The following TP73 variants were observed in gnomAD, a reference collection of about 807,000 sequenced individuals.
The protein encoded by TP73 is tumor protein p73.
TP73 carries 25 observed loss-of-function variants against 62.5 expected under a neutral mutation model. That is an observed-to-expected ratio of 0.40 (90% CI 0.29 to 0.56). TP73 has a LOEUF of 0.56. Ranked by LOEUF, TP73 falls within the 20% of genes least tolerant of loss-of-function variation. The pLI is 0.46. For synonymous variants in TP73, 423 were observed against 377.5 expected (o/e 1.12, Z -1.40); for missense variants, 754 against 913.3 (o/e 0.83, Z 2.25).
At chr1:3,729,059 G>A (rs1288097296) in intron 9 of TP73, among the ~76,000 whole-genome samples, 2 of 152,232 alleles carry the variant, frequency 1.3e-5, no homozygotes, top group Non-Finnish European at 2.9e-5. Flanking sequence ...GTATCTGTTG[G>A]TAGGGGAGGA....
At chr1:3,665,394 A>T (rs895545324) in intron 1 of TP73, among the ~76,000 whole-genome samples, 1 of 152,248 alleles carries the variant, frequency 6.6e-6, no homozygotes, top group African/African-American at 2.4e-5. Context: ...TCTGATAAAA[A>T]TAGCAAAATA....
chr1:3,695,450 C>A (rs919558181), intron 3 of TP73, among the ~76,000 whole-genome samples: 10 of 152,228 alleles, frequency 6.6e-5, no homozygotes, highest in African/African-American at 2.4e-4. Context: ...GGGCTGTGCA[C>A]CCTTGGGCCT....
chr1:3,731,401 G>C, intron 12 of TP73, 62 bp from the exon 13 acceptor site: 3 of 1,528,556 alleles, frequency 2.0e-6, no homozygotes, highest in Non-Finnish European at 2.7e-6. Context: ...TCAGAGATGG[G>C]GGCTCGCGCA....
At chr1:3,664,883 C>T (rs537660096) in intron 1 of TP73, among the ~76,000 whole-genome samples, 158 of 152,282 alleles carry the variant, frequency 1.0e-3, no homozygotes, top group Non-Finnish European at 1.7e-3. Flanking sequence ...ATCCGATGAC[C>T]GAGATAAGGT....
chr1:3,690,986 T>G (rs1482636240), intron 3 of TP73: 1 of 1,559,718 alleles, frequency 6.4e-7, no homozygotes, highest in Non-Finnish European at 8.7e-7. Flanking sequence ...TCGGGGACTT[T>G]GCGGGGGATT....
intron 1 of TP73, among the ~76,000 whole-genome samples, chr1:3,673,814 A>C (rs941881041): frequency 6.6e-6 from 1 of 152,196 alleles, no homozygotes; most frequent in Non-Finnish European, 1.5e-5. Context: ...GTGAAGATAG[A>C]TGGACAGGCA....
intron 3 of TP73, among the ~76,000 whole-genome samples, chr1:3,694,013 G>C (rs369884602): frequency 5.7e-5 from 1 of 17,450 alleles, no homozygotes. Context: ...CGCAATCCCA[G>C]CCATGCAGCC....
intron 4 of TP73, 179 bp downstream of exon 4, chr1:3,707,970 G>T: frequency 9.8e-7 from 1 of 1,023,472 alleles, no homozygotes; most frequent in Non-Finnish European, 1.4e-6. Context: ...GGGCAGTCTG[G>T]GTGTGCCCAC....
At position 3,678,366 on chromosome 1, in the gene TP73, A is replaced by G. The variant is rs567944792; in HGVS notation, c.-33-3967A>G. ...CCCTGCCCCAGCGCAGCGTCCCTGC[A>G]CCCCCAACAGAGCTTCCTGTTCCTC... is the stretch of plus-strand genomic sequence containing the variant. On this transcript the variant is annotated intron_variant, in intron 1 of 13. Transcript: ENST00000378295. Among the ~76,000 whole-genome samples, 84 of 151,830 alleles carry G rather than the reference A, an allele frequency of 5.5e-4. 1 individual carries two copies. In the South Asian group the frequency reaches 0.013, roughly 24 times the overall value.
At chr1:3,698,749 G>A (rs1405064369) in intron 3 of TP73, among the ~76,000 whole-genome samples, 1 of 152,152 alleles carries the variant, frequency 6.6e-6, no homozygotes, top group Admixed American at 6.5e-5. Context: ...AGGCCCGGGG[G>A]GCACCAGGCT....
intron 1 of TP73, among the ~76,000 whole-genome samples, chr1:3,673,945 C>T (rs1279731334): frequency 6.6e-6 from 1 of 152,156 alleles, no homozygotes; most frequent in Non-Finnish European, 1.5e-5. Context: ...CCAGGTCAGG[C>T]CAGGGTAGAG....
chr1:3,664,565 C>T (rs990935860), intron 1 of TP73, among the ~76,000 whole-genome samples: 10 of 152,214 alleles, frequency 6.6e-5, no homozygotes, highest in African/African-American at 1.2e-4. Context: ...TCCACCAGTC[C>T]GAATACATGA....
chr1:3,730,627 C>T (rs1254223049), intron 11 of TP73, among the ~76,000 whole-genome samples: 1 of 152,176 alleles, frequency 6.6e-6, no homozygotes, highest in Non-Finnish European at 1.5e-5. Context: ...AGCAAGCACC[C>T]CCAGGTGTTT....
chr1:3,712,544 G>A (rs918704248), intron 4 of TP73: 3 of 152,240 alleles, frequency 2.0e-5, no homozygotes, highest in Admixed American at 6.5e-5. Context: ...CTGGTTCTTG[G>A]AGGAGACAGG....
chr1:3,684,897 AAGTG>A (rs1645615212), intron 3 of TP73, among the ~76,000 whole-genome samples: 1 of 152,212 alleles, frequency 6.6e-6, no homozygotes, highest in African/African-American at 2.4e-5. Context: ...TAGTGCAAGA[AAGTG>A]AGACTGCAAC....
intron 1 of TP73, among the ~76,000 whole-genome samples, chr1:3,669,987 C>G (rs1044805375): frequency 1.6e-4 from 25 of 152,284 alleles, no homozygotes; most frequent in African/African-American, 6.0e-4. Context: ...GAGTGACCAG[C>G]TCCTCCCTGA....
chr1:3,687,490 T>C lies in TP73; in HGVS notation c.186+4310T>C, dbSNP rs571554450. Among the ~76,000 whole-genome samples the C allele has an allele frequency of 5.9e-3, 892 of 152,320 alleles. 5 individuals are homozygous for C. The highest frequency in any genetic ancestry group is 9.4e-3 in the Non-Finnish European group (642 of 68,006). ...CACCCGGACCCACCCGAGGAGTCTC[T>C]GCAGTGCTGGGCCTGGGCTTGGAAG... is the stretch of plus-strand genomic sequence containing the variant. On this transcript the variant is annotated intron_variant, in intron 3 of 13. Coordinates refer to ENST00000378295, the MANE Select transcript of TP73 (RefSeq NM_005427.4).
At chr1:3,661,991 T>G (rs1467911090) in intron 1 of TP73, among the ~76,000 whole-genome samples, 1 of 151,274 alleles carries the variant, frequency 6.6e-6, no homozygotes, top group African/African-American at 2.4e-5. Context: ...GCCCAGGAGT[T>G]GAGGCTGCGA....
intron 6 of TP73, among the ~76,000 whole-genome samples, chr1:3,724,027 C>T (rs1234775112): frequency 7.8e-6 from 1 of 128,848 alleles, no homozygotes; most frequent in African/African-American, 3.0e-5. Context: ...CTGGGCACCA[C>T]GTGGGTGGGG....
Sources: gnomAD v4.1 joint callset for allele counts (sites outside exome capture counted in the v4.1 genomes callset) on GRCh38, gnomAD v4.1.1 for gene constraint, MANE v1.5 for transcripts, NCBI Gene and HGNC (gene_info 2026-07-23, HGNC 2026-07-21) for gene names.